The following AEBP2 variants were observed in gnomAD, a reference collection of about 807,000 sequenced individuals.
The protein encoded by AEBP2 is zinc finger protein AEBP2.
A neutral mutation model predicts 50.8 loss-of-function variants in AEBP2; 10 were observed. The observed-to-expected ratio is 0.20, with a 90% CI of 0.12 to 0.33. AEBP2 has a LOEUF of 0.33. Ranked by LOEUF, AEBP2 falls within the 10% of genes least tolerant of loss-of-function variation. The pLI is 1.00. For synonymous variants in AEBP2, 296 were observed against 261.3 expected, an observed-to-expected ratio of 1.13 and a Z score of -1.28; for missense variants, 570 against 688.0, an observed-to-expected ratio of 0.83 and a Z score of 1.92.
At chr12:19,473,618 A>C (rs1044869246) in intron 3 of AEBP2, among the ~76,000 whole-genome samples, 8 of 151,978 alleles carry the variant, frequency 5.3e-5, no homozygotes, top group East Asian at 1.9e-4. Context: ...GTTGGCCAGG[A>C]TGGTCTTGAA....
In AEBP2 at chr12:19,473,766, T is replaced by G. The variant is rs544722415; in HGVS notation, c.987+411T>G. ...TTTCCTAATAGGCATAATTAAAAGC[T>G]CCTCTAAATTTTTTTAAAAACAACC... On this transcript the variant is annotated intron_variant, in intron 3 of 7. Coordinates refer to ENST00000266508, the MANE Select transcript of AEBP2 (RefSeq NM_153207.5). Among the ~76,000 whole-genome samples, 312 of 151,908 alleles carry G rather than the reference T, an allele frequency of 2.1e-3. 2 individuals carry two copies. Among genetic ancestry groups the G allele is most frequent in the African/African-American group, 7.4e-3 (308 of 41,526 alleles).
intron 1 of AEBP2, among the ~76,000 whole-genome samples, chr12:19,423,276 T>C (rs1465082191): frequency 6.6e-6 from 1 of 152,050 alleles, no homozygotes; most frequent in African/African-American, 2.4e-5. Context: ...TTTGATTTTA[T>C]ATTGTTCATC....
chr12:19,443,133 A>G (rs116995264), intron 1 of AEBP2, among the ~76,000 whole-genome samples: 3,417 of 149,604 alleles, frequency 0.023, 49 homozygotes, highest in East Asian at 0.043. Context: ...GTCTCACTCT[A>G]TCGCCCAGGC....
At position 19,519,081 on chromosome 12, in the gene AEBP2, A is replaced by G. The variant is rs1398592810; in HGVS notation, c.*964A>G. 1 of 156,254 alleles carries G rather than the reference A, an allele frequency of 6.4e-6. No individual in the cohort carries two copies. Among genetic ancestry groups the G allele is most frequent in the African/African-American group, 2.4e-5 (1 of 41,598 alleles). 9.7% of individuals were successfully genotyped at this position (156,254 alleles called of 1,614,324 possible). A position where few individuals can be genotyped will look rare whatever the true frequency, so the allele number is the denominator to read the frequency against. ...TGGTCTTGAAAAGGAAAATAAAATC[A>G]CTTTCTTGCTTGGTAAGCAAGAAGC... On this transcript the variant is annotated 3_prime_UTR_variant, in exon 8 of 8. Coordinates refer to ENST00000266508, the MANE Select transcript of AEBP2 (RefSeq NM_153207.5).
intron 3 of AEBP2, among the ~76,000 whole-genome samples, chr12:19,481,196 G>C (rs895416691): frequency 2.1e-5 from 3 of 144,786 alleles, no homozygotes; most frequent in Non-Finnish European, 4.5e-5. Flanking sequence ...CGCCTTCCAG[G>C]TTCAAGTGAT....
intron 3 of AEBP2, among the ~76,000 whole-genome samples, chr12:19,473,580 A>G (rs916737152): frequency 6.6e-6 from 1 of 151,692 alleles, no homozygotes; most frequent in African/African-American, 2.4e-5. Context: ...TAATTTTTGT[A>G]CTTTTAGTAG....
chr12:19,505,780 T>C (rs1025981504), intron 5 of AEBP2, among the ~76,000 whole-genome samples: 1 of 152,048 alleles, frequency 6.6e-6, no homozygotes, highest in African/African-American at 2.4e-5. Context: ...TTTGTTTGTT[T>C]GTTTTGTTTT....
intron 1 of AEBP2, among the ~76,000 whole-genome samples, chr12:19,416,965 A>T (rs1007969134): frequency 1.3e-4 from 20 of 151,160 alleles, no homozygotes; most frequent in Middle Eastern, 3.4e-3. Context: ...TCCACCTCTC[A>T]GGTTCAAGTG....
In AEBP2 at chr12:19,408,769, G is replaced by A. The variant is rs2095737690; in HGVS notation, c.-17+4553G>A. Among the ~76,000 whole-genome samples, 3 of 151,816 alleles carry A rather than the reference G, an allele frequency of 2.0e-5. No homozygotes were observed. In the South Asian group the frequency reaches 6.2e-4, roughly 32 times the overall value. ...ATGCAAAAAATTAGCTGGGCATGGT[G>A]GCGCACACCTGTAATTCCAGCTGCT... On this transcript the variant is annotated intron_variant, in intron 1 of 3. Coordinates refer to the AEBP2 transcript ENST00000538425.
At position 19,493,998 on chromosome 12, in the gene AEBP2, A is replaced by G; in HGVS notation, c.1174+12A>G. 1 of 1,574,894 alleles carries G rather than the reference A, an allele frequency of 6.3e-7. No individual in the cohort carries two copies. The highest frequency in any genetic ancestry group is 8.6e-7 in the Non-Finnish European group (1 of 1,160,786). On this transcript the variant is annotated intron_variant, in intron 4 of 7. Transcript: ENST00000266508. ...ACGACGCTCATTACGTAAGTGTTACACTGAGAAAATCTGGTGTATTTCATG... is the reference window on the plus strand; with the variant it reads ...ACGACGCTCATTACGTAAGTGTTACGCTGAGAAAATCTGGTGTATTTCATG...
chr12:19,474,938 A>G (rs1450050289), intron 3 of AEBP2, among the ~76,000 whole-genome samples: 2 of 152,068 alleles, frequency 1.3e-5, no homozygotes, highest in African/African-American at 4.8e-5. Flanking sequence ...GATTACCGGC[A>G]TGCGCCATCA....
chr12:19,508,063 TGCTTGGTTG>T lies in AEBP2; in HGVS notation c.1300-4329_1300-4321del, dbSNP rs370655459. On this transcript the variant is annotated intron_variant, in intron 5 of 7. Coordinates refer to ENST00000266508, the MANE Select transcript of AEBP2 (RefSeq NM_153207.5). ...TAGTTACCAATCAGTTGGCTTGCTG[TGCTTGGTTG>T]GCTTGCATTGTTTTTGTGTATTATT... Among the ~76,000 whole-genome samples, 28 of 152,300 alleles carry T rather than the reference TGCTTGGTTG, an allele frequency of 1.8e-4. 1 individual carries two copies. In the East Asian group the frequency reaches 5.4e-3, roughly 29 times the overall value.
At chr12:19,492,318 T>C (rs139363657) in intron 3 of AEBP2, among the ~76,000 whole-genome samples, 56 of 152,328 alleles carry the variant, frequency 3.7e-4, no homozygotes, top group Admixed American at 1.3e-3. Context: ...CACACACTTA[T>C]ACCGCAGTTA....
chr12:19,438,889 G>A (rs1565701314), upstream of AEBP2, among the ~76,000 whole-genome samples: 1 of 152,150 alleles, frequency 6.6e-6, no homozygotes, highest in Non-Finnish European at 1.5e-5. Flanking sequence ...TTTAAACAAT[G>A]CGACAGATGA....
intron 2 of AEBP2, among the ~76,000 whole-genome samples, chr12:19,464,100 G>T (rs1383967713): frequency 6.6e-6 from 1 of 152,208 alleles, no homozygotes; most frequent in Non-Finnish European, 1.5e-5. Flanking sequence ...TATGATGTCT[G>T]AGTAACCAGT....
intron 1 of AEBP2, among the ~76,000 whole-genome samples, chr12:19,442,730 T>A (rs1299099253): frequency 6.6e-6 from 1 of 152,252 alleles, no homozygotes; most frequent in Non-Finnish European, 1.5e-5. Context: ...GTCACTTGTA[T>A]GAAGAAGGCT....
intron 1 of AEBP2, among the ~76,000 whole-genome samples, chr12:19,448,198 T>C (rs999132100): frequency 9.2e-5 from 14 of 152,146 alleles, no homozygotes; most frequent in Non-Finnish European, 2.9e-5. Flanking sequence ...TGAGCCACTG[T>C]GCCTTGCCAG....
At chr12:19,478,908 A>C (rs1384316354) in intron 3 of AEBP2, among the ~76,000 whole-genome samples, 3 of 152,136 alleles carry the variant, frequency 2.0e-5, no homozygotes, top group Non-Finnish European at 4.4e-5. Context: ...ATCTTGGTCT[A>C]TCCATGTCCT....
At chr12:19,477,172 T>G (rs1948660898) in intron 3 of AEBP2, among the ~76,000 whole-genome samples, 1 of 152,220 alleles carries the variant, frequency 6.6e-6, no homozygotes, top group Admixed American at 6.5e-5. Flanking sequence ...ATCCTGAAAG[T>G]TTACTGAATT....
Sources: gnomAD v4.1 joint callset for allele counts (sites outside exome capture counted in the v4.1 genomes callset) on GRCh38, gnomAD v4.1.1 for gene constraint, MANE v1.5 for transcripts, NCBI Gene and HGNC (gene_info 2026-07-23, HGNC 2026-07-21) for gene names.